Variants in NXPH1 observed in about 807,000 individuals in gnomAD.
NXPH1 encodes the protein neurexophilin 1.
In NXPH1, 5 loss-of-function variants were observed where a neutral mutation model predicts 23.7. The ratio of observed to expected loss-of-function variants is 0.21; its 90% CI spans 0.11 to 0.44. The LOEUF is 0.44. Ranked by LOEUF, NXPH1 falls within the 20% of genes least tolerant of loss-of-function variation. The probability of loss-of-function intolerance (pLI) is 0.99; values close to 1 mark genes in which losing one functional copy is unlikely to be tolerated. For synonymous variants in NXPH1, 144 were observed against 122.2 expected (o/e 1.18, Z -1.18); for missense variants, 324 against 321.6 (o/e 1.01, Z -0.06).
intron 2 of NXPH1, among the ~76,000 whole-genome samples, chr7:8,437,097 C>T (rs1816209436): frequency 6.6e-6 from 1 of 152,240 alleles, no homozygotes; most frequent in Non-Finnish European, 1.5e-5. Flanking sequence ...CGCTGCGCAT[C>T]AGCGTCCTCG....
chr7:8,545,260 T>C (rs906006418), intron 2 of NXPH1, among the ~76,000 whole-genome samples: 1 of 151,556 alleles, frequency 6.6e-6, no homozygotes, highest in South Asian at 2.1e-4. Context: ...GGACAATTTC[T>C]ACTCTTGGGA....
At chr7:8,712,597 A>AT (rs899195988) in intron 2 of NXPH1, among the ~76,000 whole-genome samples, 3 of 151,826 alleles carry the variant, frequency 2.0e-5, no homozygotes, top group African/African-American at 7.3e-5. Flanking sequence ...AAATGAAAAC[A>AT]TAAAAAATCC....
intron 2 of NXPH1, among the ~76,000 whole-genome samples, chr7:8,615,123 T>C (rs1464526616): frequency 6.6e-6 from 1 of 152,058 alleles, no homozygotes; most frequent in East Asian, 1.9e-4. Flanking sequence ...ATTGTTTCTA[T>C]TGGGGGAAAA....
intron 2 of NXPH1, among the ~76,000 whole-genome samples, chr7:8,625,757 ATCC>A (rs1819974130): frequency 6.6e-6 from 1 of 152,164 alleles, no homozygotes; most frequent in African/African-American, 2.4e-5. Flanking sequence ...AGAGTCTGAA[ATCC>A]TCCTTATGAT....
chr7:8,664,626 T>C (rs1409963765), intron 2 of NXPH1, among the ~76,000 whole-genome samples: 1 of 152,144 alleles, frequency 6.6e-6, no homozygotes, highest in African/African-American at 2.4e-5. Context: ...ATAATGCCTG[T>C]ACTAATTTAT....
intron 2 of NXPH1, among the ~76,000 whole-genome samples, chr7:8,712,157 T>G (rs180738520): frequency 2.0e-5 from 3 of 152,336 alleles, no homozygotes; most frequent in African/African-American, 7.2e-5. Flanking sequence ...TCAAGCATCT[T>G]TATGTTTAGA....
chr7:8,588,357 A>G (rs1404269267), intron 2 of NXPH1, among the ~76,000 whole-genome samples: 2 of 152,208 alleles, frequency 1.3e-5, no homozygotes, highest in East Asian at 3.9e-4. Context: ...AGTGGCAGAC[A>G]TAACTTGTAC....
chr7:8,682,562 C>T (rs536893199), intron 2 of NXPH1, among the ~76,000 whole-genome samples: 14 of 152,274 alleles, frequency 9.2e-5, no homozygotes, highest in African/African-American at 3.4e-4. Context: ...CTTTACTCTC[C>T]TATTCTTATA....
At chr7:8,444,087 G>A (rs1258878479) in intron 2 of NXPH1, among the ~76,000 whole-genome samples, 1 of 152,180 alleles carries the variant, frequency 6.6e-6, no homozygotes, top group Non-Finnish European at 1.5e-5. Context: ...TGGCGCTAGG[G>A]GTTGTCTATG....
At chr7:8,561,730 T>C (rs539849978) in intron 2 of NXPH1, among the ~76,000 whole-genome samples, 2 of 151,200 alleles carry the variant, frequency 1.3e-5, no homozygotes, top group African/African-American at 4.9e-5. Context: ...GGTCCATGAG[T>C]TCTCAACAGG....
chr7:8,493,982 T>C (rs1443535479), intron 2 of NXPH1, among the ~76,000 whole-genome samples: 1 of 152,054 alleles, frequency 6.6e-6, no homozygotes, highest in Non-Finnish European at 1.5e-5. Context: ...GAGGGTAAGC[T>C]TAAGAAGAAG....
chr7:8,471,201 G>C (rs186887737), intron 2 of NXPH1, among the ~76,000 whole-genome samples: 10 of 152,084 alleles, frequency 6.6e-5, no homozygotes, highest in African/African-American at 2.4e-4. Context: ...GAAAACAATG[G>C]GATGTGGTCA....
chr7:8,451,618 T>C (rs1816508196), intron 2 of NXPH1, among the ~76,000 whole-genome samples: 1 of 152,250 alleles, frequency 6.6e-6, no homozygotes, highest in Non-Finnish European at 1.5e-5. Flanking sequence ...TATGTGACAA[T>C]TATTCAGTGG....
At chr7:8,600,092 A>G (rs1819323404) in intron 2 of NXPH1, among the ~76,000 whole-genome samples, 1 of 152,044 alleles carries the variant, frequency 6.6e-6, no homozygotes, top group Admixed American at 6.6e-5. Flanking sequence ...ATATTTATTT[A>G]TATGATGTTG....
chr7:8,637,735 T>C (rs2115139976), intron 2 of NXPH1, among the ~76,000 whole-genome samples: 1 of 152,370 alleles, frequency 6.6e-6, no homozygotes, highest in East Asian at 1.9e-4. Context: ...ATACAATACA[T>C]GCTCTTCAGC....
intron 2 of NXPH1, among the ~76,000 whole-genome samples, chr7:8,518,518 G>A (rs1439533321): frequency 2.0e-5 from 3 of 152,084 alleles, no homozygotes; most frequent in Non-Finnish European, 2.9e-5. Flanking sequence ...ATAGAGGCAG[G>A]TCTTGCTGTG....
At chr7:8,479,484 C>T (rs1001622742) in intron 2 of NXPH1, among the ~76,000 whole-genome samples, 4 of 152,050 alleles carry the variant, frequency 2.6e-5, no homozygotes, top group Non-Finnish European at 4.4e-5. Context: ...GAACTCAAGA[C>T]GTCTTTCATA....
chr7:8,515,330 T>C (rs2128614678), intron 2 of NXPH1, among the ~76,000 whole-genome samples: 1 of 152,206 alleles, frequency 6.6e-6, no homozygotes, highest in Non-Finnish European at 1.5e-5. Flanking sequence ...TTAATATTTA[T>C]TGAGGGATAG....
intron 2 of NXPH1, among the ~76,000 whole-genome samples, chr7:8,638,732 A>C (rs561723790): frequency 1.3e-5 from 2 of 152,280 alleles, no homozygotes; most frequent in African/African-American, 4.8e-5. Context: ...TTAATGTTTC[A>C]ATAGTATGAT....
Sources: allele counts gnomAD v4.1 joint callset (sites outside exome capture counted in the v4.1 genomes callset), GRCh38; gene constraint gnomAD v4.1.1; transcripts MANE v1.5; gene names NCBI Gene and HGNC (gene_info 2026-07-23, HGNC 2026-07-21).